Variants in CBY1 observed in about 807,000 individuals in gnomAD.
CBY1 encodes chibby 1, beta catenin antagonist, also known as protein chibby homolog 1.
Under a neutral mutation model 15.6 loss-of-function variants are expected in CBY1, and 10 were observed. The observed-to-expected ratio is 0.64, with a 90% confidence interval of 0.40 to 1.09. The LOEUF is 1.09. CBY1 is among the 50% of genes least tolerant of loss of function. The probability of loss-of-function intolerance (pLI) is 0.01; values close to 1 mark genes in which losing one functional copy is unlikely to be tolerated. For synonymous variants in CBY1, 61 were observed against 63.5 expected (o/e 0.96, Z 0.19); for missense variants, 150 against 160.5 (o/e 0.93, Z 0.35).
chr22:38,673,414 T>G lies in CBY1; in HGVS notation c.*178T>G. ...AGAAAACCAAGATTCCAGATGGGGATAGTAACTAGAAGGTGCTTCAGATGC... is the reference window on the plus strand; with the variant it reads ...AGAAAACCAAGATTCCAGATGGGGAGAGTAACTAGAAGGTGCTTCAGATGC... On this transcript the variant is annotated 3_prime_UTR_variant, in exon 5 of 5. Coordinates refer to ENST00000216029, the MANE Select transcript of CBY1 (RefSeq NM_015373.4). 1 of 534,778 alleles carries G rather than the reference T, an allele frequency of 1.9e-6. No individual in the cohort carries two copies. Among genetic ancestry groups the G allele is most frequent in the South Asian group, 2.0e-5 (1 of 49,356 alleles). 33.1% of individuals were successfully genotyped at this position (534,778 alleles called of 1,614,324 possible). A position where few individuals can be genotyped will look rare whatever the true frequency, so the allele number is the denominator to read the frequency against.
chr22:38,658,374 T>C (rs2092410046), intron 1 of CBY1, among the ~76,000 whole-genome samples: 1 of 152,162 alleles, frequency 6.6e-6, no homozygotes, highest in Non-Finnish European at 1.5e-5. Flanking sequence ...TCTGCCCAAC[T>C]CGGCCTCCCA....
chr22:38,663,178 T>C (rs1315108184), intron 1 of CBY1, among the ~76,000 whole-genome samples: 1 of 152,136 alleles, frequency 6.6e-6, no homozygotes, highest in African/African-American at 2.4e-5. Flanking sequence ...AACTTCTGGC[T>C]GGGAGCTGTG....
chr22:38,665,832 C>T lies in CBY1; in HGVS notation c.-38-2185C>T, dbSNP rs8138742. On this transcript the variant is annotated intron_variant, in intron 1 of 4. Transcript: ENST00000216029. ...GGCAGGTCACTTGAGGTCAGGAGTT[C>T]GAGACCAGCCTGGCCAACATGGTAA... is the stretch of plus-strand genomic sequence containing the variant. 37 of 505,650 alleles carry T rather than the reference C, an allele frequency of 7.3e-5. No individual in the cohort carries two copies. The Middle Eastern group carries it at 1.8e-3, about 24-fold the overall frequency. 31.3% of individuals were successfully genotyped at this position (505,650 alleles called of 1,614,324 possible).
intron 1 of CBY1, among the ~76,000 whole-genome samples, chr22:38,667,268 C>T (rs1040328870): frequency 1.3e-5 from 2 of 152,132 alleles, no homozygotes; most frequent in Non-Finnish European, 2.9e-5. Flanking sequence ...ACCTCAGCCT[C>T]CTGAGTCACT....
chr22:38,667,881 TTTGGTGGG>T, intron 1 of CBY1, 128 bp from the exon 2 acceptor site: 1 of 601,108 alleles, frequency 1.7e-6, no homozygotes, highest in Middle Eastern at 3.5e-4. Flanking sequence ...CAACATGAGT[TTTGGTGGG>T]GACATTCAAA....
intron 1 of CBY1, among the ~76,000 whole-genome samples, chr22:38,666,116 G>A (rs534019392): frequency 1.3e-5 from 2 of 151,358 alleles, no homozygotes; most frequent in Non-Finnish European, 2.9e-5. Context: ...GGGATTTCAG[G>A]TATAAACCAC....
intron 1 of CBY1, among the ~76,000 whole-genome samples, chr22:38,667,313 C>CT (rs998646468): frequency 3.3e-4 from 49 of 148,392 alleles, no homozygotes; most frequent in African/African-American, 8.6e-4. Context: ...GCCAGGCTAA[C>CT]TTTTTTTTTT....
At position 38,673,690 on chromosome 22, in the gene CBY1, G is replaced by A. The variant is rs540367604; in HGVS notation, c.*454G>A. On this transcript the variant is annotated 3_prime_UTR_variant, in exon 5 of 5. Transcript: ENST00000216029. ...GCGGCTCTCTTGGCTCTTAAAGGCA[G>A]GCCTCTCTCTTCTTGCCTTTAAAGA... 2 of 156,042 alleles carry A rather than the reference G, an allele frequency of 1.3e-5. No individual in the cohort carries two copies. Among genetic ancestry groups the A allele is most frequent in the African/African-American group, 4.8e-5 (2 of 41,620 alleles). The allele number at this position is 156,042 out of a possible 1,614,324, so 9.7% of individuals were successfully genotyped here. A position where few individuals can be genotyped will look rare whatever the true frequency, so the allele number is the denominator to read the frequency against.
At chr22:38,667,883 T>G (rs2092441499) in intron 1 of CBY1, 134 bp from the exon 2 acceptor site, 1 of 603,864 alleles carries the variant, frequency 1.7e-6, no homozygotes, top group East Asian at 2.8e-5. Context: ...ACATGAGTTT[T>G]GGTGGGGACA....
chr22:38,667,308 GCTAA>G (rs967113029), intron 1 of CBY1, among the ~76,000 whole-genome samples: 8 of 152,072 alleles, frequency 5.3e-5, no homozygotes, highest in Admixed American at 4.6e-4. Flanking sequence ...ACCATGCCAG[GCTAA>G]CTTTTTTTTT....
At chr22:38,665,710 G>A (rs954961453) in intron 1 of CBY1, 48 of 1,229,768 alleles carry the variant, frequency 3.9e-5, no homozygotes, top group Non-Finnish European at 7.1e-6. Flanking sequence ...GTGCTGAAAT[G>A]CTCTGTATCC....
intron 1 of CBY1, chr22:38,665,805 T>C: frequency 2.5e-6 from 2 of 799,128 alleles, no homozygotes; most frequent in Non-Finnish European, 3.3e-6. Flanking sequence ...GAGGCCAAGG[T>C]GGGCAGGTCA....
At chr22:38,662,364 CACTA>C (rs990218814) in intron 1 of CBY1, among the ~76,000 whole-genome samples, 1 of 150,996 alleles carries the variant, frequency 6.6e-6, no homozygotes, top group African/African-American at 2.4e-5. Context: ...AAAAAAAGAA[CACTA>C]ACCCCTGTTT....
At chr22:38,668,274 AT>A in intron 2 of CBY1, 142 bp downstream of exon 2, 2 of 570,428 alleles carry the variant, frequency 3.5e-6, no homozygotes, top group Non-Finnish European at 6.4e-6. Flanking sequence ...TGCGGAAAAC[AT>A]TTTTGAACTC....
chr22:38,667,729 G>T (rs2092441133), intron 1 of CBY1: 2 of 314,944 alleles, frequency 6.4e-6, no homozygotes, highest in Non-Finnish European at 1.2e-5. Flanking sequence ...AGACAGCATG[G>T]CAGCAGAACT....
At chr22:38,661,785 C>A (rs1222153232) in intron 1 of CBY1, among the ~76,000 whole-genome samples, 1 of 151,988 alleles carries the variant, frequency 6.6e-6, no homozygotes, top group African/African-American at 2.4e-5. Flanking sequence ...TGAAAAGATA[C>A]CAACCCCTCC....
chr22:38,669,715 A>C (rs1458171370), intron 2 of CBY1: 1 of 152,206 alleles, frequency 6.6e-6, no homozygotes, highest in African/African-American at 2.4e-5. Flanking sequence ...TTGAGCCGCT[A>C]TTGAGGGCAG....
intron 1 of CBY1, among the ~76,000 whole-genome samples, chr22:38,662,644 C>T (rs1301912504): frequency 6.6e-6 from 1 of 152,058 alleles, no homozygotes; most frequent in Non-Finnish European, 1.5e-5. Flanking sequence ...GCGTACACCA[C>T]CATGCCCAGC....
rs141465367 is a variant in CBY1, at chr22:38,671,119, C to A, written c.234C>A (p.Arg78=). ...GVDRREVQRL[R]RRNQQLEEEN... is the part of the protein sequence containing the mutation. ...ACCGGAGGGAGGTTCAGCGCCTTCGCAGGCGGAACCAGCAGTTGGAGGAAG... is the reference window on the plus strand; with the variant it reads ...ACCGGAGGGAGGTTCAGCGCCTTCGAAGGCGGAACCAGCAGTTGGAGGAAG... Residue 78 remains arginine (R), a synonymous_variant, in exon 4 of 5, where the codon CGC becomes CGA. Transcript: ENST00000216029. 48 of 1,614,116 alleles carry A rather than the reference C, an allele frequency of 3.0e-5. No homozygotes were observed. In the Middle Eastern group the frequency reaches 4.9e-4, roughly 17 times the overall value.
Sources: allele counts gnomAD v4.1 joint callset (sites outside exome capture counted in the v4.1 genomes callset), GRCh38; gene constraint gnomAD v4.1.1; transcripts MANE v1.5; gene names NCBI Gene and HGNC (gene_info 2026-07-23, HGNC 2026-07-21).